The following SEC24D variants were observed in gnomAD, a reference collection of about 807,000 sequenced individuals.
The protein encoded by SEC24D is protein transport protein Sec24D.
In SEC24D, 69 loss-of-function variants were observed where a neutral mutation model predicts 116.9. That is an observed-to-expected ratio of 0.59 (90% CI 0.49 to 0.72). SEC24D has a LOEUF of 0.72. SEC24D is among the 30% of genes least tolerant of loss of function. The pLI is 0.00. For missense variants in SEC24D, 1,131 were observed against 1,264.1 expected (o/e 0.89, Z 1.60); for synonymous variants, 405 against 442.8 (o/e 0.91, Z 1.07).
At chr4:118,811,882 G>T (rs1282772196) in intron 6 of SEC24D, among the ~76,000 whole-genome samples, 1 of 152,096 alleles carries the variant, frequency 6.6e-6, no homozygotes, top group African/African-American at 2.4e-5. Flanking sequence ...ATAAGTGACA[G>T]ATTACAAAAA....
chr4:118,808,727 G>C (rs866910203), intron 6 of SEC24D, among the ~76,000 whole-genome samples: 1 of 152,062 alleles, frequency 6.6e-6, no homozygotes, highest in Admixed American at 6.5e-5. Flanking sequence ...TACTTCAAAA[G>C]GTATAGATTT....
At chr4:118,810,073 G>GCT (rs760576191) in intron 6 of SEC24D, among the ~76,000 whole-genome samples, 4,025 of 47,364 alleles carry the variant, frequency 0.085, 167 homozygotes, top group Non-Finnish European at 0.12. Flanking sequence ...GTCAGAGGTA[G>GCT]CTGTGTGTGT....
intron 3 of SEC24D, among the ~76,000 whole-genome samples, chr4:118,823,622 A>G (rs2110534133): frequency 6.6e-6 from 1 of 152,268 alleles, no homozygotes; most frequent in Non-Finnish European, 1.5e-5. Context: ...CAGCAGCTAC[A>G]CCTCACCGGA....
rs943400113 is a variant in SEC24D, at chr4:118,786,033, G to C, written c.1041+11650C>G. Among the ~76,000 whole-genome samples the C allele has an allele frequency of 1.2e-4, 18 of 152,230 alleles. No homozygotes were observed. In the East Asian group the frequency reaches 3.5e-3, roughly 29 times the overall value. The stretch of plus-strand genomic sequence containing the variant: ...TATTTTTAAACAACTACAGGTTAAG[G>C]GATGTTATTGTAATTTTACTTATGA... On this transcript the variant is annotated intron_variant, in intron 8 of 22. Transcript: ENST00000280551.
intron 5 of SEC24D, 89 bp from the exon 6 acceptor site, chr4:118,815,244 A>G: frequency 6.7e-7 from 1 of 1,491,476 alleles, no homozygotes; most frequent in Non-Finnish European, 9.1e-7. Context: ...TCAGTCAAGC[A>G]TGTTGTATTT....
At chr4:118,786,136 C>G (rs1245523902) in intron 8 of SEC24D, among the ~76,000 whole-genome samples, 3 of 152,168 alleles carry the variant, frequency 2.0e-5, no homozygotes, top group Non-Finnish European at 4.4e-5. Flanking sequence ...CTAACTCCAT[C>G]TAACTCCTAA....
intron 2 of SEC24D, among the ~76,000 whole-genome samples, chr4:118,827,213 CTG>C (rs1487031757): frequency 3.3e-5 from 5 of 152,142 alleles, no homozygotes; most frequent in Non-Finnish European, 7.4e-5. Context: ...TCCAGGTTGG[CTG>C]GGGTCAGACT....
intron 8 of SEC24D, among the ~76,000 whole-genome samples, chr4:118,771,943 T>C (rs1436236032): frequency 2.0e-5 from 3 of 152,070 alleles, no homozygotes; most frequent in Admixed American, 6.5e-5. Flanking sequence ...GGAGAAACAA[T>C]ACTTGGCAGA....
chr4:118,803,623 T>C (rs1010644048), intron 7 of SEC24D, among the ~76,000 whole-genome samples: 1 of 152,230 alleles, frequency 6.6e-6, no homozygotes, highest in Non-Finnish European at 1.5e-5. Context: ...GATTGTTCAC[T>C]CATTTAAAAA....
At chr4:118,730,811 C>G (rs1177464643) in intron 21 of SEC24D, 2 of 153,328 alleles carry the variant, frequency 1.3e-5, no homozygotes, top group African/African-American at 4.8e-5. Flanking sequence ...ACTCAGTAAT[C>G]TGATTTAGTC....
At chr4:118,736,225 G>C (rs899927330) in intron 19 of SEC24D, 7 of 152,208 alleles carry the variant, frequency 4.6e-5, no homozygotes, top group African/African-American at 1.7e-4. Context: ...GGCTGGTCTT[G>C]AACTCCTGAC....
intron 2 of SEC24D, among the ~76,000 whole-genome samples, chr4:118,831,812 C>T (rs1560773641): frequency 6.6e-6 from 1 of 152,044 alleles, no homozygotes; most frequent in Non-Finnish European, 1.5e-5. Flanking sequence ...GAAAAATCTA[C>T]AGAGTGGGAT....
At chr4:118,780,263 C>T (rs1241055539) in intron 8 of SEC24D, among the ~76,000 whole-genome samples, 4 of 152,318 alleles carry the variant, frequency 2.6e-5, no homozygotes, top group Non-Finnish European at 5.9e-5. Context: ...CCTCTACACA[C>T]TGCTTTATAT....
intron 8 of SEC24D, among the ~76,000 whole-genome samples, chr4:118,780,906 GCTTTTTTTT>G (rs1267943377): frequency 9.4e-6 from 1 of 106,080 alleles, no homozygotes; most frequent in Non-Finnish European, 1.9e-5. Context: ...TGCAACCCCT[GCTTTTTTTT>G]TTTTTTTTTT....
chr4:118,776,494 TTTCTGTCCTAG>T (rs1305764675), intron 8 of SEC24D, among the ~76,000 whole-genome samples: 4 of 152,198 alleles, frequency 2.6e-5, no homozygotes, highest in Non-Finnish European at 5.9e-5. Flanking sequence ...TTAATAGTTT[TTTCTGTCCTAG>T]TTCATAACTA....
At chr4:118,821,778 G>A (rs1265536389) in intron 3 of SEC24D, among the ~76,000 whole-genome samples, 4 of 152,178 alleles carry the variant, frequency 2.6e-5, no homozygotes, top group African/African-American at 7.2e-5. Flanking sequence ...GCACAATCAC[G>A]GTGCACTTTA....
intron 22 of SEC24D, among the ~76,000 whole-genome samples, chr4:118,727,457 A>G (rs1725470875): frequency 6.6e-6 from 1 of 151,992 alleles, no homozygotes; most frequent in South Asian, 2.1e-4. Context: ...TACTGAGCAC[A>G]AGGATGATCT....
intron 8 of SEC24D, among the ~76,000 whole-genome samples, chr4:118,787,608 T>C (rs1417854490): frequency 6.6e-6 from 1 of 152,104 alleles, no homozygotes; most frequent in Non-Finnish European, 1.5e-5. Context: ...AGCTAGGAGT[T>C]TGAGACCAGC....
Position 118,722,982 on chromosome 4 carries a change from G to GA in SEC24D, c.*532dup. On this transcript the variant is annotated 3_prime_UTR_variant, in exon 23 of 23. Transcript: ENST00000280551. Reference sequence around the variant, plus strand: ...TTTAACATACACAATATATAATTATGAAAAAAATGTAGAACACATATTGTT... The same window carrying GA: ...TTTAACATACACAATATATAATTATGAAAAAAAATGTAGAACACATATTGTT... The GA allele has an allele frequency of 6.6e-6, 1 of 152,472 alleles. No homozygotes were observed. Among genetic ancestry groups the GA allele is most frequent in the East Asian group, 1.9e-4 (1 of 5,168 alleles). 9.4% of individuals were successfully genotyped at this position (152,472 alleles called of 1,614,324 possible).
Sources: gnomAD v4.1 joint callset for allele counts (sites outside exome capture counted in the v4.1 genomes callset) on GRCh38, gnomAD v4.1.1 for gene constraint, MANE v1.5 for transcripts, NCBI Gene and HGNC (gene_info 2026-07-23, HGNC 2026-07-21) for gene names.